The following FBXW11 variants were observed in gnomAD, a reference collection of about 807,000 sequenced individuals.
The protein encoded by FBXW11 is F-box and WD repeat domain containing 11.
A neutral mutation model predicts 77.6 loss-of-function variants in FBXW11; 19 were observed. That is an observed-to-expected ratio of 0.24 (90% CI 0.17 to 0.36). The LOEUF is 0.36. Ranked by LOEUF, FBXW11 falls within the 10% of genes least tolerant of loss-of-function variation. FBXW11 has a pLI of 1.00. For synonymous variants in FBXW11, 235 were observed against 249.4 expected (o/e 0.94, Z 0.54); for missense variants, 334 against 704.2 (o/e 0.47, Z 5.95).
intron 1 of FBXW11, 28 bp from the exon 2 acceptor site, chr5:171,957,726 G>A (rs1763688478): frequency 6.3e-7 from 1 of 1,599,500 alleles, no homozygotes; most frequent in Non-Finnish European, 8.6e-7. Context: ...GGAAGGAAGA[G>A]AAGAAGCAGT....
intron 1 of FBXW11, among the ~76,000 whole-genome samples, chr5:171,971,617 C>A (rs923125018): frequency 2.2e-5 from 3 of 135,770 alleles, no homozygotes; most frequent in Non-Finnish European, 4.8e-5. Context: ...TACGTTTTTG[C>A]AGGCAGTGAG....
intron 1 of FBXW11, 107 bp downstream of exon 1, chr5:172,006,351 G>A (rs893587064): frequency 3.0e-6 from 3 of 1,009,470 alleles, no homozygotes; most frequent in African/African-American, 1.7e-5. Context: ...TCTGGGTCGA[G>A]GCGTCTGGGA....
chr5:171,956,663 C>G lies in FBXW11; in HGVS notation c.147+934G>C, dbSNP rs1763629489. Among the ~76,000 whole-genome samples the G allele has an allele frequency of 2.0e-5, 3 of 152,162 alleles. No individual in the cohort carries two copies. In the South Asian group the frequency reaches 6.2e-4, roughly 32 times the overall value. ...TTGAGAACAGCAAAGTCACCCATGC[C>G]ATCAATAATATCCCTCTAACTCAGT... On this transcript the variant is annotated intron_variant, in intron 2 of 13. Transcript: ENST00000517395.
At chr5:171,941,382 A>T (rs1762745328) in intron 2 of FBXW11, among the ~76,000 whole-genome samples, 1 of 152,008 alleles carries the variant, frequency 6.6e-6, no homozygotes, top group African/African-American at 2.4e-5. Flanking sequence ...GCAAAGACCA[A>T]ATAACTCTTC....
chr5:171,926,943 TAAATA>T (rs1213698800), intron 2 of FBXW11, among the ~76,000 whole-genome samples: 1 of 152,156 alleles, frequency 6.6e-6, no homozygotes, highest in Non-Finnish European at 1.5e-5. Flanking sequence ...AATGGTCTTT[TAAATA>T]AAAGACTCTA....
intron 1 of FBXW11, among the ~76,000 whole-genome samples, chr5:171,982,538 C>T (rs1267648538): frequency 1.3e-5 from 2 of 152,188 alleles, no homozygotes; most frequent in Non-Finnish European, 2.9e-5. Flanking sequence ...GCTGGGATTA[C>T]AGGTGTGAGC....
chr5:171,971,657 G>T (rs551466365), intron 1 of FBXW11, among the ~76,000 whole-genome samples: 1 of 152,082 alleles, frequency 6.6e-6, no homozygotes, highest in Admixed American at 6.6e-5. Flanking sequence ...TTACATTTTT[G>T]AACTGAGAAA....
chr5:171,997,121 TGGAA>T (rs1766098535), intron 1 of FBXW11: 1 of 1,235,834 alleles, frequency 8.1e-7, no homozygotes. Context: ...CTCCAAGAAA[TGGAA>T]GGAAGGGTCA....
intron 1 of FBXW11, among the ~76,000 whole-genome samples, chr5:171,980,644 T>A (rs1005585215): frequency 1.4e-4 from 21 of 152,264 alleles, no homozygotes; most frequent in Non-Finnish European, 2.4e-4. Context: ...TTCACACCTA[T>A]GAGAATGGCT....
chr5:171,912,009 T>C (rs982223195), intron 3 of FBXW11, among the ~76,000 whole-genome samples: 3 of 152,198 alleles, frequency 2.0e-5, no homozygotes, highest in African/African-American at 7.2e-5. Context: ...AGAGCTGAAT[T>C]ACAAATACCT....
chr5:171,930,570 A>G (rs986047932), intron 2 of FBXW11, among the ~76,000 whole-genome samples: 3 of 152,226 alleles, frequency 2.0e-5, no homozygotes, highest in East Asian at 1.9e-4. Flanking sequence ...TTAAGTACCC[A>G]GGGACACAAA....
intron 1 of FBXW11, among the ~76,000 whole-genome samples, chr5:171,974,511 T>C (rs1188315319): frequency 2.6e-5 from 4 of 151,372 alleles, no homozygotes; most frequent in African/African-American, 4.9e-5. Flanking sequence ...ATTTTATAGG[T>C]TTTAATTGCT....
chr5:171,960,462 T>C (rs891295331), intron 1 of FBXW11, among the ~76,000 whole-genome samples: 9 of 152,252 alleles, frequency 5.9e-5, no homozygotes, highest in African/African-American at 1.7e-4. Flanking sequence ...AATTTTTACT[T>C]ATTCAGTAAA....
chr5:171,965,396 C>T (rs1486799759), intron 1 of FBXW11, among the ~76,000 whole-genome samples: 3 of 152,066 alleles, frequency 2.0e-5, no homozygotes, highest in South Asian at 2.1e-4. Context: ...GCAGGTGGCA[C>T]GCACCTATGA....
Position 171,899,004 on chromosome 5 carries a change from C to A in FBXW11, c.714G>T (p.Glu238Asp). The A allele has an allele frequency of 6.4e-7, 1 of 1,570,192 alleles. No homozygotes were observed. The highest frequency in any genetic ancestry group is 1.9e-5 in the Admixed American group (1 of 52,864). The change falls in exon 6 of 14, where the codon GAG becomes GAT. Residue 238 changes from glutamate (E) to aspartate (D), a missense_variant and splice_region_variant. Physicochemically the swap from Glu to Asp is conservative, Grantham distance 45. This residue lies in a region of FBXW11 where 70 missense variants were observed against 136.6 expected (regional missense o/e 0.51). Coordinates refer to ENST00000517395, the MANE Select transcript of FBXW11 (RefSeq NM_001378974.1). ...SLYPKIIQDI[E>D]TIESNWRCGR... Reference sequence around the variant, plus strand: ...TAAAACAGATAAATCATAAAGTTACCTCTATATCCTGGATAATCTTTGGGT... The same window carrying A: ...TAAAACAGATAAATCATAAAGTTACATCTATATCCTGGATAATCTTTGGGT...
At chr5:171,989,038 G>A (rs1045403859) in intron 1 of FBXW11, among the ~76,000 whole-genome samples, 8 of 151,506 alleles carry the variant, frequency 5.3e-5, no homozygotes, top group South Asian at 2.1e-4. Context: ...TTAGCCGGGC[G>A]TGGTGGTATG....
At chr5:171,983,219 A>G (rs2113504775) in intron 1 of FBXW11, among the ~76,000 whole-genome samples, 1 of 152,236 alleles carries the variant, frequency 6.6e-6, no homozygotes, top group South Asian at 2.1e-4. Flanking sequence ...CCAAGAGGAC[A>G]GGGTTCTAGA....
intron 3 of FBXW11, among the ~76,000 whole-genome samples, chr5:171,913,493 A>C (rs1048803665): frequency 1.3e-5 from 2 of 152,184 alleles, no homozygotes; most frequent in African/African-American, 4.8e-5. Context: ...AAATAACAGC[A>C]TGTGCACTAT....
At chr5:171,972,009 A>C (rs1176717732) in intron 1 of FBXW11, among the ~76,000 whole-genome samples, 1 of 151,522 alleles carries the variant, frequency 6.6e-6, no homozygotes, top group East Asian at 1.9e-4. Flanking sequence ...ACACAGGAGA[A>C]TTGCTTGAGC....
Sources: allele counts gnomAD v4.1 joint callset (sites outside exome capture counted in the v4.1 genomes callset), GRCh38; gene constraint gnomAD v4.1.1; regional missense constraint gnomAD v4.1.1; transcripts MANE v1.5; gene names NCBI Gene and HGNC (gene_info 2026-07-23, HGNC 2026-07-21).